Variants in TGFA observed in about 807,000 individuals in gnomAD.
TGFA encodes the protein protransforming growth factor alpha.
A neutral mutation model predicts 21.7 loss-of-function variants in TGFA; 12 were observed. The observed-to-expected ratio is 0.55, with a 90% CI of 0.35 to 0.90. The LOEUF (loss-of-function observed/expected upper bound fraction) is 0.90. Ranked by LOEUF, TGFA falls within the 40% of genes least tolerant of loss-of-function variation. TGFA has a pLI of 0.01. For missense variants in TGFA, 178 were observed against 210.8 expected (o/e 0.84, Z 0.96); for synonymous variants, 79 against 88.1 (o/e 0.90, Z 0.58).
intron 3 of TGFA, among the ~76,000 whole-genome samples, chr2:70,458,287 T>C (rs1670302049): frequency 6.6e-6 from 1 of 152,134 alleles, no homozygotes; most frequent in African/African-American, 2.4e-5. Context: ...AAGCCATCCA[T>C]ATCTCAAGAA....
chr2:70,513,270 G>A (rs2103850349), intron 2 of TGFA, among the ~76,000 whole-genome samples: 1 of 152,310 alleles, frequency 6.6e-6, no homozygotes, highest in Middle Eastern at 3.4e-3. Context: ...TGTAGGAGGG[G>A]CAGAAGGTGA....
chr2:70,484,266 T>C (rs1004500519), intron 2 of TGFA, among the ~76,000 whole-genome samples: 6 of 152,238 alleles, frequency 3.9e-5, no homozygotes, highest in Non-Finnish European at 7.3e-5. Context: ...GGTGTTCAAT[T>C]TGCAGCATGC....
At position 70,463,394 on chromosome 2, in the gene TGFA, T is replaced by C. The variant is rs1184182250; in HGVS notation, c.215+2222A>G. On this transcript the variant is annotated intron_variant, in intron 3 of 5. Transcript: ENST00000295400. The stretch of plus-strand genomic sequence containing the variant: ...TGTGTGAATGTGATGGACAGTTCCC[T>C]TGGGCCAAGAGCAAGGCTTGGGACT... Among the ~76,000 whole-genome samples, 3 of 152,156 alleles carry C rather than the reference T, an allele frequency of 2.0e-5. No individual in the cohort carries two copies. In the East Asian group the frequency reaches 5.8e-4, roughly 29 times the overall value.
chr2:70,514,999 G>A lies in TGFA; in HGVS notation c.41-87C>T, dbSNP rs1319806672. The A allele has an allele frequency of 3.5e-5, 45 of 1,301,894 alleles. 1 individual carries two copies. Among genetic ancestry groups the A allele is most frequent in the Non-Finnish European group, 4.5e-5 (42 of 925,714 alleles). The allele number at this position is 1,301,894 out of a possible 1,614,324, so 80.6% of individuals were successfully genotyped here. A position where few individuals can be genotyped will look rare whatever the true frequency, so the allele number is the denominator to read the frequency against. On this transcript the variant is annotated intron_variant, in intron 1 of 5. Transcript: ENST00000295400. Reference sequence around the variant, plus strand: ...CGCTTAGAGGGCAGGCCCTTTGACAGGCAAAGGTTCGGTAGTTTCACAGAG... The same window carrying A: ...CGCTTAGAGGGCAGGCCCTTTGACAAGCAAAGGTTCGGTAGTTTCACAGAG...
chr2:70,482,966 A>G (rs60150182), intron 2 of TGFA, among the ~76,000 whole-genome samples: 9,382 of 152,228 alleles, frequency 0.062, 365 homozygotes, highest in Middle Eastern at 0.12. Flanking sequence ...CCTTCCCAAA[A>G]GCTTCTAGGT....
At chr2:70,545,925 G>A (rs1000123469) in intron 1 of TGFA, among the ~76,000 whole-genome samples, 24 of 152,012 alleles carry the variant, frequency 1.6e-4, no homozygotes, top group Non-Finnish European at 2.1e-4. Flanking sequence ...CAATCAATAA[G>A]AAAAAAATTT....
intron 2 of TGFA, among the ~76,000 whole-genome samples, chr2:70,500,985 A>C (rs1251132955): frequency 7.0e-6 from 1 of 143,764 alleles, no homozygotes; most frequent in Non-Finnish European, 1.5e-5. Flanking sequence ...AAAAAAAAAA[A>C]ATTGCAGAGA....
chr2:70,454,473 A>T (rs1670164860), intron 4 of TGFA, among the ~76,000 whole-genome samples: 1 of 152,190 alleles, frequency 6.6e-6, no homozygotes. Flanking sequence ...TGGGCTGGAA[A>T]CAGTACATCC....
intron 4 of TGFA, among the ~76,000 whole-genome samples, chr2:70,454,896 G>C (rs570548273): frequency 2.0e-3 from 299 of 152,334 alleles, no homozygotes; most frequent in Non-Finnish European, 3.6e-3. Context: ...GGGGAGGCCT[G>C]TGTGGGCCAC....
At chr2:70,500,501 A>C (rs1298963111) in intron 2 of TGFA, among the ~76,000 whole-genome samples, 1 of 152,126 alleles carries the variant, frequency 6.6e-6, no homozygotes, top group Non-Finnish European at 1.5e-5. Flanking sequence ...GGCAAAATGT[A>C]CTTTTGGAGA....
At chr2:70,528,146 A>G (rs782096579) in intron 1 of TGFA, among the ~76,000 whole-genome samples, 8 of 152,254 alleles carry the variant, frequency 5.3e-5, no homozygotes, top group Non-Finnish European at 8.8e-5. Flanking sequence ...CTATGGTGAA[A>G]TGTGTTGAAG....
intron 1 of TGFA, among the ~76,000 whole-genome samples, chr2:70,521,290 A>T (rs1292890298): frequency 6.6e-6 from 1 of 151,940 alleles, no homozygotes; most frequent in East Asian, 1.9e-4. Flanking sequence ...AACTCCACCC[A>T]TTCCCTCCTG....
At chr2:70,485,804 G>T (rs1423913171) in intron 2 of TGFA, among the ~76,000 whole-genome samples, 1 of 152,030 alleles carries the variant, frequency 6.6e-6, no homozygotes, top group Non-Finnish European at 1.5e-5. Flanking sequence ...ATTTATACAG[G>T]CAACCACCCC....
chr2:70,481,735 T>C (rs1311490761), intron 2 of TGFA, among the ~76,000 whole-genome samples: 1 of 152,228 alleles, frequency 6.6e-6, no homozygotes, highest in African/African-American at 2.4e-5. Context: ...CTCTCTCTCT[T>C]GGATTGGTCA....
At chr2:70,451,870 C>A in intron 5 of TGFA, 1 of 649,776 alleles carries the variant, frequency 1.5e-6, no homozygotes. Context: ...AGTTTACCCA[C>A]ATCGCTCATG....
At chr2:70,532,368 A>T (rs146866459) in intron 1 of TGFA, among the ~76,000 whole-genome samples, 2,291 of 152,272 alleles carry the variant, frequency 0.015, 54 homozygotes, top group African/African-American at 0.05. Flanking sequence ...ACGGCCAAGC[A>T]GGGAGGCCAT....
intron 3 of TGFA, among the ~76,000 whole-genome samples, chr2:70,458,507 T>C (rs1553490957): frequency 6.6e-6 from 1 of 151,968 alleles, no homozygotes; most frequent in Admixed American, 6.6e-5. Flanking sequence ...CCCAGCCCAG[T>C]GTTAAATCCA....
chr2:70,538,719 A>G (rs891597228), intron 1 of TGFA, among the ~76,000 whole-genome samples: 3 of 152,240 alleles, frequency 2.0e-5, no homozygotes, highest in Admixed American at 1.3e-4. Context: ...TGGTTTCCTG[A>G]GATGGAATCT....
rs1165537537 is a variant in TGFA, at chr2:70,450,745, G to A, written c.*114C>T. On this transcript the variant is annotated 3_prime_UTR_variant, in exon 6 of 6. Coordinates refer to ENST00000295400, the MANE Select transcript of TGFA (RefSeq NM_003236.4). ...CAAAAGGCTGCACAGGTGATTACAG[G>A]CCAAGTAGGAAGGTCTGTGGCACAC... 5 of 1,256,824 alleles carry A rather than the reference G, an allele frequency of 4.0e-6. No homozygotes were observed. In the African/African-American group the frequency reaches 4.4e-5, roughly 11 times the overall value. 77.9% of individuals were successfully genotyped at this position (1,256,824 alleles called of 1,614,324 possible). A position where few individuals can be genotyped will look rare whatever the true frequency, so the allele number is the denominator to read the frequency against.
Sources: gnomAD v4.1 joint callset for allele counts (sites outside exome capture counted in the v4.1 genomes callset) on GRCh38, gnomAD v4.1.1 for gene constraint, MANE v1.5 for transcripts, NCBI Gene and HGNC (gene_info 2026-07-23, HGNC 2026-07-21) for gene names.